The following KCNIP4 variants were observed in gnomAD, a reference collection of about 807,000 sequenced individuals.
The protein encoded by KCNIP4 is Kv channel-interacting protein 4.
KCNIP4 carries 12 observed loss-of-function variants against 34.0 expected under a neutral mutation model. The ratio of observed to expected loss-of-function variants is 0.35; its 90% CI spans 0.23 to 0.57. KCNIP4 has a LOEUF of 0.57. Among genes scored for constraint, KCNIP4 ranks in the 20% least tolerant of loss-of-function variants. KCNIP4 has a pLI of 0.83. For synonymous variants in KCNIP4, 124 were observed against 102.2 expected (o/e 1.21, Z -1.29); for missense variants, 238 against 311.7 (o/e 0.76, Z 1.78).
chr4:21,248,823 TG>T (rs1286290607), intron 1 of KCNIP4, among the ~76,000 whole-genome samples: 1 of 152,166 alleles, frequency 6.6e-6, no homozygotes, highest in Non-Finnish European at 1.5e-5. Flanking sequence ...GCTAGAAAAC[TG>T]AGACTCACAG....
chr4:21,067,901 C>A (rs1431280465), intron 1 of KCNIP4, among the ~76,000 whole-genome samples: 1 of 152,174 alleles, frequency 6.6e-6, no homozygotes, highest in African/African-American at 2.4e-5. Context: ...TATCAAGCTT[C>A]ATTTCCTATA....
chr4:21,103,586 A>G (rs1014456463), intron 1 of KCNIP4, among the ~76,000 whole-genome samples: 10 of 151,082 alleles, frequency 6.6e-5, no homozygotes, highest in Non-Finnish European at 8.8e-5. Flanking sequence ...ACTTTATTTT[A>G]TTTTATTATT....
At chr4:21,109,080 C>A (rs58981321) in intron 1 of KCNIP4, among the ~76,000 whole-genome samples, 1 of 151,984 alleles carries the variant, frequency 6.6e-6, no homozygotes, top group African/African-American at 2.4e-5. Flanking sequence ...GCAGTCTGCC[C>A]GTTCTCAGAT....
rs144431741 is a variant in KCNIP4 at position 21,896,659 on chromosome 4, C to G, written c.61+51912G>C. Among the ~76,000 whole-genome samples, 1,195 of 152,242 alleles carry G rather than the reference C, an allele frequency of 7.8e-3. 13 individuals carry two copies. Among genetic ancestry groups the G allele is most frequent in the African/African-American group, 0.027 (1,130 of 41,534 alleles). ...TCATGTCAGACATGGTGGCTCATAC[C>G]TGCAATCCCAGCACTTTGGGAGGCC... On this transcript the variant is annotated intron_variant, in intron 1 of 8. Transcript: ENST00000382152.
intron 1 of KCNIP4, among the ~76,000 whole-genome samples, chr4:21,032,694 T>G (rs146542191): frequency 2.6e-5 from 4 of 152,200 alleles, no homozygotes; most frequent in Admixed American, 6.5e-5. Flanking sequence ...CCGTTTGTAC[T>G]GAAAATCTCT....
intron 1 of KCNIP4, among the ~76,000 whole-genome samples, chr4:21,721,407 A>G (rs1409471018): frequency 1.3e-5 from 2 of 152,208 alleles, no homozygotes; most frequent in Non-Finnish European, 1.5e-5. Context: ...TTAAAAAAAT[A>G]AGAAGAAAGA....
rs181756886 is a variant in KCNIP4, at chr4:21,077,237, C to T, written c.62-194528G>A. Among the ~76,000 whole-genome samples, 14 of 152,128 alleles carry T rather than the reference C, an allele frequency of 9.2e-5. No homozygotes were observed. In the East Asian group the frequency reaches 1.4e-3, roughly 15 times the overall value. On this transcript the variant is annotated intron_variant, in intron 1 of 8. Coordinates refer to ENST00000382152, the MANE Select transcript of KCNIP4 (RefSeq NM_025221.6). ...ATCAACCATTTGGTATCCATTGCCT[C>T]GAAGTAAATCAAGGTGATCTAAAGG...
intron 1 of KCNIP4, among the ~76,000 whole-genome samples, chr4:21,879,983 C>T (rs2109382499): frequency 6.6e-6 from 1 of 152,236 alleles, no homozygotes; most frequent in African/African-American, 2.4e-5. Context: ...TTTGCTTTCC[C>T]TTCCACCATG....
intron 1 of KCNIP4, among the ~76,000 whole-genome samples, chr4:21,779,453 A>G (rs896013604): frequency 1.3e-5 from 2 of 152,200 alleles, no homozygotes; most frequent in Admixed American, 6.5e-5. Context: ...TCAAAAAATG[A>G]TAAGTATGTA....
At chr4:21,076,242 C>T (rs533857406) in intron 1 of KCNIP4, among the ~76,000 whole-genome samples, 120 of 152,210 alleles carry the variant, frequency 7.9e-4, no homozygotes, top group Middle Eastern at 6.8e-3. Flanking sequence ...TGTTTTCCAA[C>T]TTGATTCAAT....
intron 1 of KCNIP4, among the ~76,000 whole-genome samples, chr4:21,207,548 C>T (rs1756932134): frequency 6.6e-6 from 1 of 152,198 alleles, no homozygotes; most frequent in South Asian, 2.1e-4. Flanking sequence ...GGCTAGCTAA[C>T]ATCCCAGACA....
intron 1 of KCNIP4, among the ~76,000 whole-genome samples, chr4:21,828,283 C>G (rs529861691): frequency 6.6e-6 from 1 of 151,690 alleles, no homozygotes; most frequent in South Asian, 2.1e-4. Flanking sequence ...AACTGGGAAG[C>G]AGACTTAAAT....
rs541073681 is a variant in KCNIP4, at chr4:21,177,185, T to C, written c.62-294476A>G. The stretch of plus-strand genomic sequence containing the variant: ...CCTGCATTGTGTAGGGATTTCAATA[T>C]AGAGTTAAAAAAATCTGGCCCGTGG... On this transcript the variant is annotated intron_variant, in intron 1 of 8. Transcript: ENST00000382152. Among the ~76,000 whole-genome samples, 12 of 152,242 alleles carry C rather than the reference T, an allele frequency of 7.9e-5. No homozygotes were observed. The South Asian group carries it at 2.5e-3, about 32-fold the overall frequency.
At chr4:21,607,915 C>T (rs1560557753) in intron 1 of KCNIP4, among the ~76,000 whole-genome samples, 1 of 152,114 alleles carries the variant, frequency 6.6e-6, no homozygotes, top group Non-Finnish European at 1.5e-5. Flanking sequence ...TCACAAGAGA[C>T]AACAGGCTCC....
chr4:21,190,031 A>G (rs757166173), intron 1 of KCNIP4, among the ~76,000 whole-genome samples: 9 of 152,202 alleles, frequency 5.9e-5, no homozygotes, highest in Non-Finnish European at 1.2e-4. Flanking sequence ...GGTTTTTTTC[A>G]GAAATATGAG....
intron 1 of KCNIP4, among the ~76,000 whole-genome samples, chr4:21,327,801 ATTCT>A (rs1715241835): frequency 6.6e-6 from 1 of 151,834 alleles, no homozygotes; most frequent in African/African-American, 2.4e-5. Flanking sequence ...AAGCTCACTA[ATTCT>A]TTCTTCTGCT....
At position 20,729,048 on chromosome 4, in the gene KCNIP4, GAATTTTGCTTGCT is replaced by G. The variant is rs35485958; in HGVS notation, c.*1021_*1033del. On this transcript the variant is annotated 3_prime_UTR_variant, in exon 9 of 9. Coordinates refer to ENST00000382152, the MANE Select transcript of KCNIP4 (RefSeq NM_025221.6). Reference sequence around the variant, plus strand: ...ATGGAACCACTGGTGCTTTCAAAGTGAATTTTGCTTGCTAATTTTGCTTGCTGTTTGTTCTTAG... The same window carrying G: ...ATGGAACCACTGGTGCTTTCAAAGTGAATTTTGCTTGCTGTTTGTTCTTAG... 0.33 allele frequency: 49,533 copies of G among 151,978 alleles called. 8,485 individuals carry two copies. The highest frequency in any genetic ancestry group is 0.43 in the African/African-American group (17,796 of 41,268). 9.4% of individuals were successfully genotyped at this position (151,978 alleles called of 1,614,324 possible).
In KCNIP4 at chr4:21,701,350, G is replaced by A. The variant is rs986988070; in HGVS notation, c.61+247221C>T. Among the ~76,000 whole-genome samples the A allele has an allele frequency of 7.9e-5, 12 of 152,264 alleles. No homozygotes were observed. In the South Asian group the frequency reaches 1.2e-3, roughly 16 times the overall value. ...ATTTTATTGATCAATTGTACAACGC[G>A]ATGACCACAGCTGCTAATAACGTGT... is the stretch of plus-strand genomic sequence containing the variant. On this transcript the variant is annotated intron_variant, in intron 1 of 8. Coordinates refer to ENST00000382152, the MANE Select transcript of KCNIP4 (RefSeq NM_025221.6).
At chr4:21,419,218 A>C (rs149013416) in intron 1 of KCNIP4, among the ~76,000 whole-genome samples, 12 of 152,350 alleles carry the variant, frequency 7.9e-5, no homozygotes, top group African/African-American at 2.9e-4. Context: ...AGCATCAAGC[A>C]TGGTACTTGG....
Sources: gnomAD v4.1 joint callset for allele counts (sites outside exome capture counted in the v4.1 genomes callset) on GRCh38, gnomAD v4.1.1 for gene constraint, MANE v1.5 for transcripts, NCBI Gene and HGNC (gene_info 2026-07-23, HGNC 2026-07-21) for gene names.